MAPKAPK2: variants seen among roughly 807,000 people sequenced by gnomAD.
The protein encoded by MAPKAPK2 is MAP kinase-activated protein kinase 2.
MAPKAPK2 carries 9 observed loss-of-function variants against 48.8 expected under a neutral mutation model. The ratio of observed to expected loss-of-function variants is 0.18; its 90% CI spans 0.11 to 0.32. MAPKAPK2 has a LOEUF of 0.32. MAPKAPK2 is among the 10% of genes least tolerant of loss of function. The pLI, the probability that MAPKAPK2 is intolerant of heterozygous loss-of-function variation, is 1.00. For missense variants in MAPKAPK2, 331 were observed against 498.3 expected (o/e 0.66, Z 3.20); for synonymous variants, 202 against 190.6 (o/e 1.06, Z -0.49).
Position 206,731,397 on chromosome 1 carries a change from C to G in MAPKAPK2, c.892+135C>G. ...AACTGTGGGTTAGCACCTATGCCCA[C>G]GCCTGCGGGGTGCGTCCTGCTTCAT... On this transcript the variant is annotated intron_variant, in intron 7 of 9. Transcript: ENST00000367103. This position sits in a 1 kb window ranked among gnomAD's most constrained non-coding sequence, Gnocchi z 5.9. 1 of 1,479,366 alleles carries G rather than the reference C, an allele frequency of 6.8e-7. No individual in the cohort carries two copies. 91.6% of individuals were successfully genotyped at this position (1,479,366 alleles called of 1,614,324 possible).
intron 1 of MAPKAPK2, among the ~76,000 whole-genome samples, chr1:206,698,831 G>C (rs1206352198): frequency 1.6e-4 from 24 of 152,146 alleles, no homozygotes; most frequent in African/African-American, 5.8e-4. Flanking sequence ...AAAGCTATTT[G>C]GGGGGTGGGA....
At chr1:206,687,804 C>G (rs1449714933) in intron 1 of MAPKAPK2, among the ~76,000 whole-genome samples, 2 of 152,164 alleles carry the variant, frequency 1.3e-5, no homozygotes, top group African/African-American at 4.8e-5. Context: ...AGGGATTACC[C>G]CCTTGGGAAG....
At position 206,686,714 on chromosome 1, in the gene MAPKAPK2, A is replaced by G. The variant is rs185958511; in HGVS notation, c.279+1206A>G. ...ATGTGGTATGGGTGGAACTATTGGA[A>G]TATACGATCAGATGTTTTAAAAGAA... On this transcript the variant is annotated intron_variant, in intron 1 of 9. Transcript: ENST00000367103. 4.1e-4 allele frequency among the ~76,000 whole-genome samples: 62 copies of G among 152,366 alleles called. 1 individual carries two copies. Among genetic ancestry groups the G allele is most frequent in the Admixed American group, 3.3e-3 (50 of 15,312 alleles).
intron 5 of MAPKAPK2, 148 bp downstream of exon 5, chr1:206,730,246 G>T: frequency 2.1e-6 from 2 of 961,078 alleles, no homozygotes; most frequent in South Asian, 3.3e-5. Flanking sequence ...CTGCTGAGAA[G>T]TAGGGCTTGT....
intron 1 of MAPKAPK2, among the ~76,000 whole-genome samples, chr1:206,715,816 C>T (rs373924422): frequency 2.6e-5 from 4 of 151,214 alleles, no homozygotes; most frequent in South Asian, 2.1e-4. Flanking sequence ...TTCATAGAGA[C>T]GGGGTCTCCC....
Position 206,731,764 on chromosome 1 carries a change from A to G in MAPKAPK2, c.978+39A>G. 6.2e-7 allele frequency: 1 copy of G among 1,611,618 alleles called. No homozygotes were observed. The highest frequency in any genetic ancestry group is 8.5e-7 in the Non-Finnish European group (1 of 1,177,794). The stretch of plus-strand genomic sequence containing the variant: ...GCTGGGGAGCCTTGGGTCTCACGGG[A>G]CTATTCCACAGGACAGAGTCTTAGC... On this transcript the variant is annotated intron_variant, in intron 8 of 9. Transcript: ENST00000367103. This position sits in a 1 kb window ranked among gnomAD's most constrained non-coding sequence, Gnocchi z 5.9.
intron 1 of MAPKAPK2, among the ~76,000 whole-genome samples, chr1:206,695,234 G>C (rs182477240): frequency 4.3e-4 from 66 of 152,322 alleles, no homozygotes; most frequent in African/African-American, 1.5e-3. Context: ...AGTAGTAGGG[G>C]GTGGGATGGG....
chr1:206,696,182 C>T (rs1325202285), intron 1 of MAPKAPK2: 1 of 1,554,290 alleles, frequency 6.4e-7, no homozygotes, highest in African/African-American at 1.4e-5. Flanking sequence ...ATATGGCAGA[C>T]ACCAAATACA....
In MAPKAPK2 at chr1:206,731,320, A is replaced by G. The variant is rs77135963; in HGVS notation, c.892+58A>G. The G allele has an allele frequency of 2.6e-5, 32 of 1,253,532 alleles. No homozygotes were observed. Among genetic ancestry groups the G allele is most frequent in the African/African-American group, 3.3e-5 (2 of 59,928 alleles). The allele number at this position is 1,253,532 out of a possible 1,614,324, so 77.7% of individuals were successfully genotyped here. On this transcript the variant is annotated intron_variant, in intron 7 of 9. Coordinates refer to ENST00000367103, the MANE Select transcript of MAPKAPK2 (RefSeq NM_032960.4). This position sits in a 1 kb window ranked among gnomAD's most constrained non-coding sequence, Gnocchi z 5.9. Reference sequence around the variant, plus strand: ...AGCCCGTGTGTGTGTGTGTGTGTGTATGTGTGTACACGCAGACACATGTAT... The same window carrying G: ...AGCCCGTGTGTGTGTGTGTGTGTGTGTGTGTGTACACGCAGACACATGTAT...
In MAPKAPK2 at chr1:206,731,962, G is replaced by T. The variant is rs1269125628; in HGVS notation, c.1059+43G>T. 2.5e-6 allele frequency: 4 copies of T among 1,614,010 alleles called. No homozygotes were observed. In the Admixed American group the frequency reaches 5.0e-5, roughly 20 times the overall value. ...GTGAGAGGGGCTCCAGGTGGGGTGG[G>T]CGGCTTGCGGGGAGTGCCCAGGTGT... is the stretch of plus-strand genomic sequence containing the variant. On this transcript the variant is annotated intron_variant, in intron 9 of 9. Transcript: ENST00000367103. The surrounding 1 kb of genome is among the most constrained non-coding windows in gnomAD (Gnocchi z 5.9).
chr1:206,685,377 T>A lies in MAPKAPK2; in HGVS notation c.148T>A (p.Ser50Thr). The change falls in exon 1 of 10, where the codon TCC (serine) becomes ACC (threonine). Residue 50 changes from serine (S) to threonine (T), a missense_variant. Ser to Thr is a moderately conservative substitution (Grantham distance 58). Transcript: ENST00000367103. ...GCAGTTCCCGCAGTTCCACGTCAAGTCCGGCCTGCAGATCAAGAAGAACGC... is the reference window on the plus strand; with the variant it reads ...GCAGTTCCCGCAGTTCCACGTCAAGACCGGCCTGCAGATCAAGAAGAACGC... ...PQQFPQFHVK[S>T]GLQIKKNAII... The A allele has an allele frequency of 6.6e-7, 1 of 1,505,502 alleles. No individual in the cohort carries two copies. Among genetic ancestry groups the A allele is most frequent in the Non-Finnish European group, 8.9e-7 (1 of 1,117,718 alleles). 93.3% of individuals were successfully genotyped at this position (1,505,502 alleles called of 1,614,324 possible).
chr1:206,690,164 G>A (rs1412266125), intron 1 of MAPKAPK2, among the ~76,000 whole-genome samples: 7 of 152,122 alleles, frequency 4.6e-5, no homozygotes, highest in Non-Finnish European at 1.0e-4. Context: ...GGGGCATGAA[G>A]GTGTCAAAAA....
At position 206,732,548 on chromosome 1, in the gene MAPKAPK2, C is replaced by T. The variant is rs1553432894; in HGVS notation, c.1060-27C>T. On this transcript the variant is annotated intron_variant, in intron 9 of 9. Transcript: ENST00000367103. The surrounding 1 kb of genome is among the most constrained non-coding windows in gnomAD (Gnocchi z 4.4). ...TACCTGTCTTCTGGCTCTCTCTGTA[C>T]CCTTCCTGGTGCTGCCGTGCCCCCA... The T allele has an allele frequency of 2.5e-6, 4 of 1,612,634 alleles. No individual in the cohort carries two copies. The highest frequency in any genetic ancestry group is 3.3e-5 in the Admixed American group (2 of 59,986).
At chr1:206,729,132 G>T in intron 3 of MAPKAPK2, 33 bp downstream of exon 3, 1 of 1,607,702 alleles carries the variant, frequency 6.2e-7, no homozygotes, top group Non-Finnish European at 8.5e-7. Context: ...GCACGTGCAG[G>T]CAGGCAGGGC....
chr1:206,729,823 G>A (rs1013344440), intron 4 of MAPKAPK2, 149 bp from the exon 5 acceptor site: 1 of 940,102 alleles, frequency 1.1e-6, no homozygotes, highest in Non-Finnish European at 1.6e-6. Context: ...TGCCCATAGA[G>A]AGCTGCCACT....
intron 1 of MAPKAPK2, among the ~76,000 whole-genome samples, chr1:206,693,932 T>A (rs895797592): frequency 3.3e-5 from 5 of 152,192 alleles, no homozygotes; most frequent in African/African-American, 7.2e-5. Flanking sequence ...ATGCAGAATG[T>A]CACCGAGTGC....
chr1:206,706,429 TG>T (rs1553428575), intron 1 of MAPKAPK2, among the ~76,000 whole-genome samples: 1 of 152,100 alleles, frequency 6.6e-6, no homozygotes, highest in Admixed American at 6.5e-5. Context: ...GACGTCTGGG[TG>T]GGCCGGGCTT....
Position 206,732,319 on chromosome 1 carries a change from C to T in MAPKAPK2, c.1060-256C>T, listed in dbSNP as rs1181723485. On this transcript the variant is annotated intron_variant, in intron 9 of 9. Coordinates refer to ENST00000367103, the MANE Select transcript of MAPKAPK2 (RefSeq NM_032960.4). This position sits in a 1 kb window ranked among gnomAD's most constrained non-coding sequence, Gnocchi z 4.4. ...TGACTCCTGGCCCAAGTCTCTTCCT[C>T]CTATCCTGCGGGATCACTGGGGGGC... 3 of 1,445,120 alleles carry T rather than the reference C, an allele frequency of 2.1e-6. No individual in the cohort carries two copies. Among genetic ancestry groups the T allele is most frequent in the Non-Finnish European group, 2.7e-6 (3 of 1,103,640 alleles). The allele number at this position is 1,445,120 out of a possible 1,614,324, so 89.5% of individuals were successfully genotyped here. A position where few individuals can be genotyped will look rare whatever the true frequency, so the allele number is the denominator to read the frequency against.
intron 1 of MAPKAPK2, among the ~76,000 whole-genome samples, chr1:206,710,575 C>T (rs1464157429): frequency 6.6e-6 from 1 of 152,168 alleles, no homozygotes; most frequent in Non-Finnish European, 1.5e-5. Flanking sequence ...TTCAAGACTA[C>T]ATATACAGCC....
Sources: allele counts gnomAD v4.1 joint callset (sites outside exome capture counted in the v4.1 genomes callset), GRCh38; gene constraint gnomAD v4.1.1; non-coding constraint Gnocchi (gnomAD v3.1); transcripts MANE v1.5; gene names NCBI Gene and HGNC (gene_info 2026-07-23, HGNC 2026-07-21).